Variants in PHC2 observed in about 807,000 individuals in gnomAD.
PHC2 encodes the protein polyhomeotic-like protein 2.
In PHC2, 29 loss-of-function variants were observed where a neutral mutation model predicts 87.4. The observed-to-expected ratio is 0.33, with a 90% confidence interval of 0.25 to 0.45. PHC2 has a LOEUF of 0.45. PHC2 is among the 20% of genes least tolerant of loss of function. The probability of loss-of-function intolerance (pLI) is 1.00; values close to 1 mark genes in which losing one functional copy is unlikely to be tolerated. For missense variants in PHC2, 857 were observed against 1,136.7 expected (o/e 0.75, Z 3.54); for synonymous variants, 438 against 461.7 (o/e 0.95, Z 0.66).
rs1646903193 is a variant in PHC2, at chr1:33,349,096, GGAA to G, written c.1558+5302_1558+5304del. ...GGAGAGAAAACGCTCTTCTAAAAAT[GGAA>G]GAAAAGACACAGAACAGCTTGTCCC... On this transcript the variant is annotated intron_variant, in intron 9 of 14. Coordinates refer to ENST00000683057, the MANE Select transcript of PHC2 (RefSeq NM_001385109.1). The surrounding 1 kb of genome is among the most constrained non-coding windows in gnomAD (Gnocchi z 4.2). 18 of 985,332 alleles carry G rather than the reference GGAA, an allele frequency of 1.8e-5. No individual in the cohort carries two copies. The highest frequency in any genetic ancestry group is 2.2e-5 in the Non-Finnish European group (18 of 829,816). 61.0% of individuals were successfully genotyped at this position (985,332 alleles called of 1,614,324 possible).
Position 33,375,386 on chromosome 1 carries a change from G to A in PHC2, c.154C>T (p.Pro52Ser), listed in dbSNP as rs1648116270. 1.3e-6 allele frequency: 2 copies of A among 1,597,936 alleles called. No homozygotes were observed. Among genetic ancestry groups the A allele is most frequent in the Non-Finnish European group, 1.7e-6 (2 of 1,171,518 alleles). ...CTTACCTGCACGGTCTGCCGGTCTGGAATACCACTGTACACAGAAATCTGG... is the reference window on the plus strand; with the variant it reads ...CTTACCTGCACGGTCTGCCGGTCTGAAATACCACTGTACACAGAAATCTGG... ...GPQISVYSGI[P>S]DRQTVQVIQQ... is the part of the protein sequence containing the mutation. The change falls in exon 2 of 15, where the codon CCA becomes TCA. Residue 52 changes from proline (P) to serine (S), a missense_variant. Physicochemically the swap from Pro to Ser is moderately conservative, Grantham distance 74. Coordinates refer to ENST00000683057, the MANE Select transcript of PHC2 (RefSeq NM_001385109.1).
rs1291109514 is a variant in PHC2 at position 33,349,391 on chromosome 1, G to GGC, written c.1558+5008_1558+5009dup. Reference sequence around the variant, plus strand: ...GGTGACACGGCTTCCAGGGGCGACGGGCGCGCAGGGTCCCCAGGCGAGCGA... The same window carrying GGC: ...GGTGACACGGCTTCCAGGGGCGACGGGCGCGCGCAGGGTCCCCAGGCGAGCGA... On this transcript the variant is annotated intron_variant, in intron 9 of 14. Coordinates refer to ENST00000683057, the MANE Select transcript of PHC2 (RefSeq NM_001385109.1). The surrounding 1 kb of genome is among the most constrained non-coding windows in gnomAD (Gnocchi z 4.2). The GGC allele has an allele frequency of 1.9e-5, 19 of 985,272 alleles. No individual in the cohort carries two copies. Among genetic ancestry groups the GGC allele is most frequent in the Non-Finnish European group, 2.3e-5 (19 of 829,956 alleles). 61.0% of individuals were successfully genotyped at this position (985,272 alleles called of 1,614,324 possible).
In PHC2 at chr1:33,365,872, T is replaced by C. The variant is rs113824298; in HGVS notation, c.976+1244A>G. 7.1e-3 allele frequency among the ~76,000 whole-genome samples: 713 copies of C among 99,866 alleles called. 12 individuals carry two copies. The highest frequency in any genetic ancestry group is 0.064 in the African/African-American group (680 of 10,704). The allele number at this position is 99,866 out of a possible 152,430, so 65.5% of individuals were successfully genotyped here. A position where few individuals can be genotyped will look rare whatever the true frequency, so the allele number is the denominator to read the frequency against. ...TTCTCTGCCTGGGAACCTTCCCCACTCTGTCTGTCAGGTCACATGCTCGTG... is the reference window on the plus strand; with the variant it reads ...TTCTCTGCCTGGGAACCTTCCCCACCCTGTCTGTCAGGTCACATGCTCGTG... On this transcript the variant is annotated intron_variant, in intron 7 of 14. Coordinates refer to ENST00000683057, the MANE Select transcript of PHC2 (RefSeq NM_001385109.1).
intron 1 of PHC2, among the ~76,000 whole-genome samples, chr1:33,410,180 C>T (rs1198452300): frequency 6.6e-6 from 1 of 152,166 alleles, no homozygotes; most frequent in African/African-American, 2.4e-5. Flanking sequence ...TTGTATTAAT[C>T]CCTGTGGGAT....
intron 1 of PHC2, among the ~76,000 whole-genome samples, chr1:33,406,583 CAG>C (rs1281247154): frequency 6.6e-6 from 1 of 152,174 alleles, no homozygotes; most frequent in African/African-American, 2.4e-5. Flanking sequence ...CTGTAAACAG[CAG>C]AGAGTTATAG....
chr1:33,389,229 G>A (rs181888507), intron 1 of PHC2, among the ~76,000 whole-genome samples: 26 of 152,168 alleles, frequency 1.7e-4, no homozygotes, highest in Middle Eastern at 3.4e-3. Context: ...GCTATTACTA[G>A]ATTCAATCCC....
At chr1:33,399,228 G>C (rs1327035583) in intron 1 of PHC2, among the ~76,000 whole-genome samples, 1 of 151,968 alleles carries the variant, frequency 6.6e-6, no homozygotes, top group East Asian at 1.9e-4. Context: ...ATCCTTGAAG[G>C]GACCCTACAA....
At position 33,354,578 on chromosome 1, in the gene PHC2, C is replaced by T. The variant is rs778338328; in HGVS notation, c.1393-12G>A. On this transcript the variant is annotated splice_polypyrimidine_tract_variant and intron_variant, in intron 8 of 14. Coordinates refer to ENST00000683057, the MANE Select transcript of PHC2 (RefSeq NM_001385109.1). ...ACACACTGCTGGGGCTGTCAAAGGA[C>T]AGGACAGAGAGGGGGGCCTCTCAGA... The T allele has an allele frequency of 8.7e-6, 14 of 1,610,192 alleles. No homozygotes were observed. Among genetic ancestry groups the T allele is most frequent in the South Asian group, 1.1e-5 (1 of 90,396 alleles).
chr1:33,325,961 C>A (rs1232834936), intron 14 of PHC2: 1 of 448,690 alleles, frequency 2.2e-6, no homozygotes, highest in Admixed American at 2.4e-5. Context: ...GCTGGGGAGG[C>A]CTAAAGGAAA....
Position 33,413,052 on chromosome 1 carries a change from T to C in PHC2, c.-55+17924A>G, listed in dbSNP as rs547401501. ...CACAATCTCAGCTCACTGCAGCCTC[T>C]GCCTCCAGGGTTCAAGTGATTCTCC... is the stretch of plus-strand genomic sequence containing the variant. On this transcript the variant is annotated intron_variant, in intron 1 of 14. Coordinates refer to ENST00000683057, the MANE Select transcript of PHC2 (RefSeq NM_001385109.1). Among the ~76,000 whole-genome samples, 8 of 152,282 alleles carry C rather than the reference T, an allele frequency of 5.3e-5. No homozygotes were observed. The East Asian group carries it at 5.8e-4, about 11-fold the overall frequency.
At chr1:33,405,090 T>C (rs183928396) in intron 1 of PHC2, among the ~76,000 whole-genome samples, 2 of 152,294 alleles carry the variant, frequency 1.3e-5, no homozygotes, top group African/African-American at 2.4e-5. Context: ...ATAATACCTC[T>C]AGGATCGGCA....
intron 1 of PHC2, among the ~76,000 whole-genome samples, chr1:33,384,776 T>C (rs375132402): frequency 5.3e-4 from 81 of 152,336 alleles, no homozygotes; most frequent in African/African-American, 1.9e-3. Context: ...TTTAATAGCA[T>C]AGCAGGACAG....
chr1:33,390,985 G>A (rs541293407), intron 1 of PHC2, among the ~76,000 whole-genome samples: 1 of 152,258 alleles, frequency 6.6e-6, no homozygotes, highest in Non-Finnish European at 1.5e-5. Flanking sequence ...CGGAAATGGG[G>A]AGGGGGCTTT....
At chr1:33,356,879 G>GC (rs879854160) in intron 7 of PHC2, among the ~76,000 whole-genome samples, 208 of 151,866 alleles carry the variant, frequency 1.4e-3, no homozygotes, top group East Asian at 4.3e-3. Context: ...AGGCAGAGGC[G>GC]CCCCCCCACC....
rs1028692586 is a variant in PHC2 at position 33,369,360 on chromosome 1, C to T, written c.577-738G>A. On this transcript the variant is annotated intron_variant, in intron 5 of 14. Transcript: ENST00000683057. This position sits in a 1 kb window ranked among gnomAD's most constrained non-coding sequence, Gnocchi z 4.7. ...TGCGATAGCGCAGCTGTGCTTTTTC[C>T]TCTGTGGGTGTATGCCCTGCTCTGG... Among the ~76,000 whole-genome samples the T allele has an allele frequency of 4.6e-5, 7 of 152,156 alleles. No homozygotes were observed. The highest frequency in any genetic ancestry group is 1.7e-4 in the African/African-American group (7 of 41,442).
rs779959702 is a variant in PHC2 at position 33,372,349 on chromosome 1, C to T, written c.273G>A (p.Ala91=). 25 of 1,604,128 alleles carry T rather than the reference C, an allele frequency of 1.6e-5. No homozygotes were observed. Among genetic ancestry groups the T allele is most frequent in the Non-Finnish European group, 2.0e-5 (23 of 1,174,408 alleles). Residue 91 remains alanine, a synonymous_variant, in exon 3 of 15, where the codon GCG becomes GCA. Coordinates refer to ENST00000683057, the MANE Select transcript of PHC2 (RefSeq NM_001385109.1). The stretch of plus-strand genomic sequence containing the variant: ...TGCTGAGGTGCTGCTGCTGGAGCGC[C>T]GCGGTCTGCAGCATGAGGTGCTGCT... ...AQQQHLMLQT[A]ALQQQHLSSA...
intron 9 of PHC2, among the ~76,000 whole-genome samples, chr1:33,339,736 G>T (rs1484308987): frequency 6.6e-6 from 1 of 152,208 alleles, no homozygotes; most frequent in Non-Finnish European, 1.5e-5. Context: ...TGTTATACTG[G>T]AATACAGCTT....
chr1:33,362,535 G>A (rs956111078), intron 7 of PHC2, among the ~76,000 whole-genome samples: 2 of 152,230 alleles, frequency 1.3e-5, no homozygotes, highest in African/African-American at 4.8e-5. Context: ...TGGCAGACAG[G>A]TGGTGGATGT....
At chr1:33,344,177 TA>T (rs1646800557) in intron 9 of PHC2, among the ~76,000 whole-genome samples, 1 of 152,206 alleles carries the variant, frequency 6.6e-6, no homozygotes, top group Non-Finnish European at 1.5e-5. Flanking sequence ...AGGCTAAAAA[TA>T]AACCCAGTTT....
Sources: allele counts gnomAD v4.1 joint callset (sites outside exome capture counted in the v4.1 genomes callset), GRCh38; gene constraint gnomAD v4.1.1; non-coding constraint Gnocchi (gnomAD v3.1); transcripts MANE v1.5; gene names NCBI Gene and HGNC (gene_info 2026-07-23, HGNC 2026-07-21).